GPS1: variants seen among roughly 807,000 people sequenced by gnomAD.
The protein encoded by GPS1 is G protein pathway suppressor 1.
Under a neutral mutation model 60.0 loss-of-function variants are expected in GPS1, and 11 were observed. The observed-to-expected ratio is 0.18, with a 90% confidence interval of 0.12 to 0.30. The LOEUF is 0.30. GPS1 is among the 10% of genes least tolerant of loss of function. The pLI, the probability that GPS1 is intolerant of heterozygous loss-of-function variation, is 1.00. For synonymous variants in GPS1, 343 were observed against 269.8 expected, an observed-to-expected ratio of 1.27 and a Z score of -2.66; for missense variants, 543 against 669.2, an observed-to-expected ratio of 0.81 and a Z score of 2.08.
intron 1 of GPS1, chr17:82,052,826 C>CT: frequency 3.2e-6 from 1 of 313,844 alleles, no homozygotes; most frequent in Non-Finnish European, 6.1e-6. Context: ...CCCAGTATTG[C>CT]TGCTCCGCTG....
At chr17:82,054,369 A>C in intron 3 of GPS1, 141 bp from the exon 4 acceptor site, 1 of 1,114,700 alleles carries the variant, frequency 9.0e-7, no homozygotes, top group Non-Finnish European at 1.2e-6. Flanking sequence ...ACTGGTCCCT[A>C]GAGGTGGGGT....
At chr17:82,051,056 C>T (rs1319992585), upstream of GPS1, 1 of 1,382,468 alleles carries the variant, frequency 7.2e-7, no homozygotes, top group Non-Finnish European at 9.3e-7. The surrounding 1 kb of genome is among the most constrained non-coding windows in gnomAD (Gnocchi z 4.1). Context: ...CTTCAGGGGA[C>T]GTGGCACTAG....
chr17:82,051,195 C>T (rs568687775), upstream of GPS1: 35 of 1,306,070 alleles, frequency 2.7e-5, no homozygotes, highest in African/African-American at 4.6e-4. The surrounding 1 kb of genome is among the most constrained non-coding windows in gnomAD (Gnocchi z 4.1). Context: ...GGAGCCTGGG[C>T]AGAGAAAGGC....
At chr17:82,051,435 C>A, upstream of GPS1, 1 of 1,364,492 alleles carries the variant, frequency 7.3e-7, no homozygotes, top group South Asian at 1.9e-5. The surrounding 1 kb of genome is among the most constrained non-coding windows in gnomAD (Gnocchi z 4.1). Flanking sequence ...CTGGGCCGGG[C>A]CTAGACCCTG....
chr17:82,055,064 A>G, intron 5 of GPS1, 89 bp downstream of exon 5: 1 of 1,584,670 alleles, frequency 6.3e-7, no homozygotes, highest in Non-Finnish European at 8.6e-7. Flanking sequence ...TCTCCCCCAG[A>G]TCTGAATCTG....
chr17:82,051,518 G>A (rs1397780730), upstream of GPS1: 15 of 1,395,062 alleles, frequency 1.1e-5, no homozygotes, highest in Non-Finnish European at 1.4e-5. This position sits in a 1 kb window ranked among gnomAD's most constrained non-coding sequence, Gnocchi z 4.1. Flanking sequence ...GGGCCCGGGA[G>A]ATCCAGGTGC....
At chr17:82,056,152 T>A in intron 8 of GPS1, 57 bp downstream of exon 8, 1 of 1,466,006 alleles carries the variant, frequency 6.8e-7, no homozygotes, top group Non-Finnish European at 9.5e-7. Flanking sequence ...CCGTGGCTGC[T>A]GCTTCGGCCT....
chr17:82,056,408 G>A lies in GPS1; in HGVS notation c.1035+17G>A. ...GAGATGAAGGTGGGCCCCGCCTGGG[G>A]TAGGGGTGAGGTGGGGCCCTGCCTG... On this transcript the variant is annotated intron_variant, in intron 9 of 12. Coordinates refer to ENST00000578552, the MANE Select transcript of GPS1 (RefSeq NM_001321092.3). 1.2e-6 allele frequency: 2 copies of A among 1,611,934 alleles called. No individual in the cohort carries two copies. The highest frequency in any genetic ancestry group is 1.7e-6 in the Non-Finnish European group (2 of 1,178,880).
upstream of GPS1, chr17:82,051,590 G>T: frequency 1.5e-6 from 2 of 1,315,352 alleles, no homozygotes; most frequent in Non-Finnish European, 9.7e-7. This position sits in a 1 kb window ranked among gnomAD's most constrained non-coding sequence, Gnocchi z 4.1. Flanking sequence ...CGATGAAGAC[G>T]TCGTCAGGCC....
rs574747988 is a variant in GPS1 at position 82,056,991 on chromosome 17, G to C, written c.1389+17G>C. ...CATGTCAAGGTGGGCTGGCTTGAGGGGGGGCAGGCGCACGGCGTGTGGGGC... is the reference window on the plus strand; with the variant it reads ...CATGTCAAGGTGGGCTGGCTTGAGGCGGGGCAGGCGCACGGCGTGTGGGGC... On this transcript the variant is annotated intron_variant, in intron 12 of 12. Transcript: ENST00000578552. 7.4e-6 allele frequency: 12 copies of C among 1,612,458 alleles called. No homozygotes were observed. The highest frequency in any genetic ancestry group is 3.3e-5 in the Admixed American group (2 of 60,002).
intron 8 of GPS1, 23 bp downstream of exon 8, chr17:82,056,118 C>A: frequency 6.3e-7 from 1 of 1,577,714 alleles, no homozygotes; most frequent in Non-Finnish European, 8.7e-7. Context: ...GTCCTGCAGC[C>A]CTGAAGGCTG....
intron 5 of GPS1, 88 bp from the exon 6 acceptor site, chr17:82,055,074 G>T: frequency 6.3e-7 from 1 of 1,580,512 alleles, no homozygotes; most frequent in Non-Finnish European, 8.6e-7. Flanking sequence ...ATCTGAATCT[G>T]CCTTCATCCC....
At chr17:82,055,958 C>T in intron 7 of GPS1, 43 bp from the exon 8 acceptor site, 3 of 1,486,994 alleles carry the variant, frequency 2.0e-6, no homozygotes, top group Non-Finnish European at 2.8e-6. Flanking sequence ...GCAGGGGTGG[C>T]CTGGCCCTTC....
chr17:82,053,190 C>A (rs1263987001), intron 1 of GPS1, 84 bp from the exon 2 acceptor site: 2 of 1,105,012 alleles, frequency 1.8e-6, no homozygotes, highest in Non-Finnish European at 2.4e-6. Flanking sequence ...TTGGGCAGAG[C>A]TGACCTCAGA....
upstream of GPS1, chr17:82,051,563 C>T: frequency 2.9e-6 from 4 of 1,391,560 alleles, no homozygotes; most frequent in Non-Finnish European, 3.7e-6. This position sits in a 1 kb window ranked among gnomAD's most constrained non-coding sequence, Gnocchi z 4.1. Context: ...CGTGGTTCTT[C>T]CGGGTGGTCT....
Position 82,054,599 on chromosome 17 carries a change from A to C in GPS1, c.398A>C (p.Lys133Thr). ...DTAWVEATRK[K>T]ALLKLEKLDT... Reference sequence around the variant, plus strand: ...GCCTGGGTGGAGGCCACGCGGAAGAAGGCGCTGCTGAAGCTGGAGAAGCTG... The same window carrying C: ...GCCTGGGTGGAGGCCACGCGGAAGACGGCGCTGCTGAAGCTGGAGAAGCTG... Residue 133 changes from lysine (K) to threonine (T), a missense_variant, in exon 4 of 13, where the codon AAG becomes ACG. Around this residue, in one of 3 missense-constraint regions of GPS1, gnomAD observed 181 missense variants for 188.8 expected, o/e 0.96. Coordinates refer to ENST00000578552, the MANE Select transcript of GPS1 (RefSeq NM_001321092.3). 1 of 1,606,446 alleles carries C rather than the reference A, an allele frequency of 6.2e-7. No individual in the cohort carries two copies. Among genetic ancestry groups the C allele is most frequent in the Non-Finnish European group, 8.5e-7 (1 of 1,177,936 alleles).
At chr17:82,053,423 C>A in intron 2 of GPS1, 57 bp downstream of exon 2, 2 of 1,258,178 alleles carry the variant, frequency 1.6e-6, no homozygotes, top group East Asian at 2.9e-5. Flanking sequence ...GGGTCCAGGG[C>A]ACACTCCCCG....
rs1481113758 is a variant in GPS1 at position 82,055,836 on chromosome 17, C to T, written c.834+11C>T. 1.3e-6 allele frequency: 2 copies of T among 1,558,582 alleles called. No homozygotes were observed. Among genetic ancestry groups the T allele is most frequent in the Non-Finnish European group, 1.7e-6 (2 of 1,150,020 alleles). On this transcript the variant is annotated intron_variant, in intron 7 of 12. Transcript: ENST00000578552. ...TGTGACTTCCCTGAGGTGAGGAGCCCTCTGGGGACTTGGGAGGCAGAGCAT... is the reference window on the plus strand; with the variant it reads ...TGTGACTTCCCTGAGGTGAGGAGCCTTCTGGGGACTTGGGAGGCAGAGCAT...
In GPS1 at chr17:82,053,953, G is replaced by A. The variant is rs757791795; in HGVS notation, c.212G>A (p.Arg71Gln). 68 of 1,612,800 alleles carry A rather than the reference G, an allele frequency of 4.2e-5. No individual in the cohort carries two copies. The highest frequency in any genetic ancestry group is 6.7e-5 in the Admixed American group (4 of 59,982). Residue 71 changes from arginine (R) to glutamine (Q), a missense_variant, in exon 3 of 13, where the codon CGG (arginine) becomes CAG (glutamine). By Grantham distance (43) the Arg-to-Gln change is conservative. Coordinates refer to ENST00000578552, the MANE Select transcript of GPS1 (RefSeq NM_001321092.3). ...QFIADHCPTL[R>Q]VEALKMALSF... ...ATTGCTGATCACTGCCCCACGCTGC[G>A]GGTGGAGGCCCTGAAGATGGCCCTC...
Sources: allele counts gnomAD v4.1 joint callset, GRCh38; gene constraint gnomAD v4.1.1; regional missense constraint gnomAD v4.1.1; non-coding constraint Gnocchi (gnomAD v3.1); transcripts MANE v1.5; gene names NCBI Gene and HGNC (gene_info 2026-07-23, HGNC 2026-07-21).